ARL6: variants seen among roughly 807,000 people sequenced by gnomAD.
ARL6 encodes ADP-ribosylation factor-like protein 6.
Under a neutral mutation model 27.1 loss-of-function variants are expected in ARL6, and 18 were observed. The ratio of observed to expected loss-of-function variants is 0.66; its 90% CI spans 0.46 to 0.98. The LOEUF (loss-of-function observed/expected upper bound fraction) is 0.98, where lower values mean the gene tolerates loss of function less well. Ranked by LOEUF, ARL6 falls within the 50% of genes least tolerant of loss-of-function variation. The probability of loss-of-function intolerance (pLI) is 0.00; values close to 1 mark genes in which losing one functional copy is unlikely to be tolerated. For missense variants in ARL6, 187 were observed against 214.9 expected, an observed-to-expected ratio of 0.87 and a Z score of 0.81; for synonymous variants, 65 against 72.3, an observed-to-expected ratio of 0.90 and a Z score of 0.51.
At chr3:97,770,553 A>G (rs1171944064) in intron 2 of ARL6, among the ~76,000 whole-genome samples, 1 of 151,928 alleles carries the variant, frequency 6.6e-6, no homozygotes, top group East Asian at 1.9e-4. Flanking sequence ...ATATAGTCCA[A>G]TTTGTCTATT....
intron 4 of ARL6, among the ~76,000 whole-genome samples, chr3:97,783,064 A>G (rs376611272): frequency 6.6e-6 from 1 of 151,174 alleles, no homozygotes; most frequent in East Asian, 1.9e-4. Context: ...GTTAAATATT[A>G]TATAATTTTT....
Position 97,794,177 on chromosome 3 carries a change from TTGTGTGTGTG to T in ARL6, c.535+2383_535+2392del, listed in dbSNP as rs370867493. 2.1e-4 allele frequency among the ~76,000 whole-genome samples: 29 copies of T among 137,476 alleles called. No individual in the cohort carries two copies. In the South Asian group the frequency reaches 3.9e-3, roughly 19 times the overall value. 90.2% of individuals were successfully genotyped at this position (137,476 alleles called of 152,430 possible). On this transcript the variant is annotated intron_variant, in intron 7 of 7. Transcript: ENST00000463745. ...GTGCTTTGGTTATATTTTCTTTCTT[TTGTGTGTGTG>T]TGTGTGTGTGTGTGTGTGTGTGTGT...
Position 97,768,304 on chromosome 3 carries a change from G to A in ARL6, c.123+74G>A. ...ATTAATGTGCAGAATTATGTTATAT[G>A]ACGTTAAAACCGCATATAATCACAT... On this transcript the variant is annotated intron_variant, in intron 2 of 7. Coordinates refer to ENST00000463745, the MANE Select transcript of ARL6 (RefSeq NM_001278293.3). 3 of 1,516,248 alleles carry A rather than the reference G, an allele frequency of 2.0e-6. No homozygotes were observed. The South Asian group carries it at 3.5e-5, about 18-fold the overall frequency. The allele number at this position is 1,516,248 out of a possible 1,614,324, so 93.9% of individuals were successfully genotyped here.
chr3:97,787,880 T>C (rs2037533915), intron 5 of ARL6, 110 bp from the exon 6 acceptor site: 1 of 1,051,202 alleles, frequency 9.5e-7, no homozygotes, highest in Admixed American at 2.0e-5. Context: ...GTGTGTGTGA[T>C]ATGAAAAAAG....
At chr3:97,770,164 T>G (rs772907427) in intron 2 of ARL6, among the ~76,000 whole-genome samples, 1 of 152,116 alleles carries the variant, frequency 6.6e-6, no homozygotes, top group African/African-American at 2.4e-5. Context: ...TCTACGAGAG[T>G]TCCCCCTTTT....
intron 6 of ARL6, among the ~76,000 whole-genome samples, chr3:97,790,051 T>TTGTGTG (rs3058067): frequency 0.13 from 17,663 of 136,910 alleles, 1,166 homozygotes; most frequent in Non-Finnish European, 0.15. Context: ...GGCATCATGA[T>TTGTGTG]TGTGTGTGTG....
At chr3:97,769,173 C>G (rs552552379) in intron 2 of ARL6, among the ~76,000 whole-genome samples, 1 of 152,046 alleles carries the variant, frequency 6.6e-6, no homozygotes, top group East Asian at 1.9e-4. Context: ...GTAAGTAGTT[C>G]TTTCCTGGAC....
At chr3:97,766,920 T>C (rs1311196790) in intron 1 of ARL6, among the ~76,000 whole-genome samples, 2 of 152,162 alleles carry the variant, frequency 1.3e-5, no homozygotes, top group Non-Finnish European at 2.9e-5. Flanking sequence ...CCTGTCCTTC[T>C]ACCACAAAGT....
chr3:97,776,622 T>C (rs1451438345), intron 2 of ARL6, among the ~76,000 whole-genome samples: 2 of 152,114 alleles, frequency 1.3e-5, no homozygotes, highest in Non-Finnish European at 2.9e-5. Flanking sequence ...TTCTACTTCA[T>C]TTTGGTGATG....
rs1192304279 is a variant in ARL6 at position 97,798,151 on chromosome 3, A to C, written c.*102A>C. On this transcript the variant is annotated 3_prime_UTR_variant, in exon 8 of 8. Transcript: ENST00000463745. ...AGATGTTTATGCATCAAAAAATATA[A>C]TTTTCTGCTTGCATTTATGGACTCT... 8.9e-6 allele frequency: 11 copies of C among 1,233,602 alleles called. No individual in the cohort carries two copies. Among genetic ancestry groups the C allele is most frequent in the Non-Finnish European group, 2.4e-6 (2 of 842,990 alleles). 76.4% of individuals were successfully genotyped at this position (1,233,602 alleles called of 1,614,324 possible).
chr3:97,787,353 C>T (rs1361647757), intron 5 of ARL6, among the ~76,000 whole-genome samples: 1 of 152,000 alleles, frequency 6.6e-6, no homozygotes, highest in Admixed American at 6.6e-5. Flanking sequence ...ATTATGTTTG[C>T]AAATACATAA....
At chr3:97,768,692 T>C (rs2036501381) in intron 2 of ARL6, among the ~76,000 whole-genome samples, 1 of 151,940 alleles carries the variant, frequency 6.6e-6, no homozygotes, top group Admixed American at 6.6e-5. Context: ...ATTTAACATG[T>C]GATGTATAAG....
chr3:97,797,913 C>A, intron 7 of ARL6, 111 bp from the exon 8 acceptor site: 1 of 974,102 alleles, frequency 1.0e-6, no homozygotes, highest in Non-Finnish European at 1.6e-6. Context: ...ATAACAAAAG[C>A]ACATGTATAC....
chr3:97,790,051 T>TTGTGTGTGTG lies in ARL6; in HGVS notation c.480-1689_480-1680dup, dbSNP rs3058067. Reference sequence around the variant, plus strand: ...TTTGACTCAATCCCTGGCATCATGATTGTGTGTGTGTGTGTGTGTGTGTGT... The same window carrying TTGTGTGTGTG: ...TTTGACTCAATCCCTGGCATCATGATTGTGTGTGTGTGTGTGTGTGTGTGTGTGTGTGTGT... On this transcript the variant is annotated intron_variant, in intron 6 of 7. Transcript: ENST00000463745. Among the ~76,000 whole-genome samples the TTGTGTGTGTG allele has an allele frequency of 5.5e-3, 758 of 137,134 alleles. 6 individuals are homozygous for TTGTGTGTGTG. Among genetic ancestry groups the TTGTGTGTGTG allele is most frequent in the Middle Eastern group, 7.4e-3 (2 of 272 alleles). The allele number at this position is 137,134 out of a possible 152,430, so 90.0% of individuals were successfully genotyped here.
intron 2 of ARL6, among the ~76,000 whole-genome samples, chr3:97,777,045 C>T (rs759612048): frequency 6.6e-6 from 1 of 152,186 alleles, no homozygotes; most frequent in East Asian, 1.9e-4. Flanking sequence ...TTAAATTTCT[C>T]CCATTATAAA....
chr3:97,800,225 T>C lies in ARL6; in HGVS notation c.*2176T>C, dbSNP rs534599466. Reference sequence around the variant, plus strand: ...CTAGTTTTTAGTCTATAAACATCCATCCCTACTCCACATTTTCATGTAAAG... The same window carrying C: ...CTAGTTTTTAGTCTATAAACATCCACCCCTACTCCACATTTTCATGTAAAG... On this transcript the variant is annotated 3_prime_UTR_variant, in exon 8 of 8. Coordinates refer to ENST00000463745, the MANE Select transcript of ARL6 (RefSeq NM_001278293.3). 14 of 152,242 alleles carry C rather than the reference T, an allele frequency of 9.2e-5. No homozygotes were observed. Among genetic ancestry groups the C allele is most frequent in the Admixed American group, 2.6e-4 (4 of 15,282 alleles). 9.4% of individuals were successfully genotyped at this position (152,242 alleles called of 1,614,324 possible).
chr3:97,773,154 A>G (rs2108000747), intron 2 of ARL6, among the ~76,000 whole-genome samples: 1 of 152,324 alleles, frequency 6.6e-6, no homozygotes, highest in Admixed American at 6.5e-5. Flanking sequence ...GCTGAGGAGC[A>G]AGGAAGCCAG....
At chr3:97,779,308 A>G (rs77438741) in intron 2 of ARL6, among the ~76,000 whole-genome samples, 4,085 of 152,136 alleles carry the variant, frequency 0.027, 158 homozygotes, top group African/African-American at 0.091. Flanking sequence ...TTTGTCAATA[A>G]CTTGTCATGG....
intron 7 of ARL6, among the ~76,000 whole-genome samples, chr3:97,796,870 T>C (rs1285113767): frequency 6.6e-6 from 1 of 152,194 alleles, no homozygotes; most frequent in Non-Finnish European, 1.5e-5. Context: ...TATCAGTGCA[T>C]TTTGACAGTA....
Sources: allele counts gnomAD v4.1 joint callset (sites outside exome capture counted in the v4.1 genomes callset), GRCh38; gene constraint gnomAD v4.1.1; transcripts MANE v1.5; gene names NCBI Gene and HGNC (gene_info 2026-07-23, HGNC 2026-07-21).